SRGAP2: variants seen among roughly 807,000 people sequenced by gnomAD.
SRGAP2 encodes SLIT-ROBO Rho GTPase-activating protein 2.
A neutral mutation model predicts 57.2 loss-of-function variants in SRGAP2; 15 were observed. The observed-to-expected ratio is 0.26, with a 90% CI of 0.18 to 0.40. SRGAP2 has a LOEUF of 0.40. Among genes scored for constraint, SRGAP2 ranks in the 10% least tolerant of loss-of-function variants. The probability of loss-of-function intolerance (pLI) is 1.00; values close to 1 mark genes in which losing one functional copy is unlikely to be tolerated. For synonymous variants in SRGAP2, 249 were observed against 248.0 expected, an observed-to-expected ratio of 1.00 and a Z score of -0.04; for missense variants, 520 against 669.6, an observed-to-expected ratio of 0.78 and a Z score of 2.47.
intron 7 of SRGAP2, among the ~76,000 whole-genome samples, chr1:206,398,892 A>C (rs1393306316): frequency 6.6e-6 from 1 of 152,188 alleles, no homozygotes; most frequent in African/African-American, 2.4e-5. Flanking sequence ...CAATTCCAAC[A>C]GGTGAGAGGC....
chr1:206,285,596 T>C (rs1265641621), intron 2 of SRGAP2, among the ~76,000 whole-genome samples: 2,907 of 152,184 alleles, frequency 0.019, 36 homozygotes, highest in Middle Eastern at 0.031. Flanking sequence ...TGAACCTGGT[T>C]ATTACATGTT....
chr1:206,225,363 G>A (rs1207227331), intron 2 of SRGAP2, among the ~76,000 whole-genome samples: 1 of 150,812 alleles, frequency 6.6e-6, no homozygotes, highest in Non-Finnish European at 1.5e-5. Flanking sequence ...ATGAGCTGCC[G>A]AGATGGGTGT....
chr1:206,328,431 A>C (rs1553330932), intron 3 of SRGAP2, among the ~76,000 whole-genome samples: 3 of 40,486 alleles, frequency 7.4e-5, no homozygotes, highest in Non-Finnish European at 4.5e-5. Context: ...CCAACAGTGT[A>C]AAAGTGTTCC....
intron 2 of SRGAP2, among the ~76,000 whole-genome samples, chr1:206,212,267 C>T (rs1391927919): frequency 7.0e-6 from 1 of 143,574 alleles, no homozygotes; most frequent in Non-Finnish European, 1.5e-5. Flanking sequence ...GCAGCCTTGA[C>T]CTCCTGGGCT....
intron 14 of SRGAP2, among the ~76,000 whole-genome samples, chr1:206,431,669 G>A (rs1385443254): frequency 6.6e-6 from 1 of 152,336 alleles, no homozygotes; most frequent in Non-Finnish European, 1.5e-5. Flanking sequence ...CCACTGAAAG[G>A]TGGATAAGCA....
chr1:206,238,768 G>T (rs1418618248), intron 2 of SRGAP2, among the ~76,000 whole-genome samples: 1 of 152,128 alleles, frequency 6.6e-6, no homozygotes, highest in East Asian at 1.9e-4. Flanking sequence ...ACCTTGGTAG[G>T]TAAAGCCAAA....
intron 2 of SRGAP2, among the ~76,000 whole-genome samples, chr1:206,213,840 A>G (rs1571580341): frequency 6.6e-6 from 1 of 150,564 alleles, no homozygotes; most frequent in East Asian, 1.9e-4. Context: ...AATCGCTTGA[A>G]TCCAGGAGGC....
At chr1:206,370,887 A>G (rs1654490540) in intron 4 of SRGAP2, among the ~76,000 whole-genome samples, 1 of 152,066 alleles carries the variant, frequency 6.6e-6, no homozygotes, top group South Asian at 2.1e-4. Flanking sequence ...GTCAGAAAAC[A>G]ATGCATACTG....
intron 3 of SRGAP2, among the ~76,000 whole-genome samples, chr1:206,307,690 G>C (rs1672328600): frequency 6.6e-6 from 1 of 152,232 alleles, no homozygotes; most frequent in Non-Finnish European, 1.5e-5. Context: ...GCAGCCACTG[G>C]CCCGGGTGCT....
chr1:206,453,702 G>A, intron 20 of SRGAP2: 1 of 268,470 alleles, frequency 3.7e-6, no homozygotes, highest in Non-Finnish European at 6.9e-6. Flanking sequence ...GTTTTTATTT[G>A]ACCACCTATA....
At chr1:206,266,966 CTT>C (rs1197579154) in intron 2 of SRGAP2, among the ~76,000 whole-genome samples, 5 of 70,072 alleles carry the variant, frequency 7.1e-5, no homozygotes, top group African/African-American at 1.3e-4. Flanking sequence ...GCAAAACTTA[CTT>C]TTTTTTTTTT....
At chr1:206,341,039 C>T (rs1321441415) in intron 3 of SRGAP2, among the ~76,000 whole-genome samples, 1 of 152,172 alleles carries the variant, frequency 6.6e-6, no homozygotes, top group Non-Finnish European at 1.5e-5. Flanking sequence ...AATTTGGACT[C>T]TAATATTAAT....
chr1:206,247,086 G>A (rs1223402724), intron 2 of SRGAP2, among the ~76,000 whole-genome samples: 7 of 138,386 alleles, frequency 5.1e-5, no homozygotes, highest in African/African-American at 1.3e-4. Context: ...CCAGGGCTGC[G>A]CCAGCAGCAT....
intron 10 of SRGAP2, among the ~76,000 whole-genome samples, chr1:206,411,403 G>C (rs1553359573): frequency 6.6e-6 from 1 of 152,184 alleles, no homozygotes. Context: ...CAGGCCCTTG[G>C]TAAACGTGTG....
intron 10 of SRGAP2, chr1:206,407,150 C>G: frequency 1.7e-5 from 1 of 58,252 alleles, no homozygotes; most frequent in Non-Finnish European, 2.7e-5. Context: ...GACAGTTGGA[C>G]CCTTTTTTCT....
chr1:206,438,805 A>G (rs1284910435), intron 16 of SRGAP2, among the ~76,000 whole-genome samples: 8 of 152,202 alleles, frequency 5.3e-5, no homozygotes, highest in African/African-American at 1.9e-4. Flanking sequence ...AGGGAGTGGT[A>G]CCTTTGAATG....
At chr1:206,453,404 T>TG in intron 20 of SRGAP2, 24 bp downstream of exon 20, 1 of 600,568 alleles carries the variant, frequency 1.7e-6, no homozygotes, top group Admixed American at 2.6e-5. Flanking sequence ...ATGGCATCTT[T>TG]GGGGGTGGTC....
intron 3 of SRGAP2, among the ~76,000 whole-genome samples, chr1:206,341,279 TAG>T (rs1307271860): frequency 6.6e-6 from 1 of 152,180 alleles, no homozygotes; most frequent in Non-Finnish European, 1.5e-5. Context: ...ACTTTCTTTG[TAG>T]TAGGAGTCTG....
chr1:206,388,395 GA>G, intron 5 of SRGAP2, among the ~76,000 whole-genome samples: 1 of 151,706 alleles, frequency 6.6e-6, no homozygotes, highest in Admixed American at 6.6e-5. Flanking sequence ...GAACAAATAA[GA>G]GATGTTTCTG....
Sources: allele counts gnomAD v4.1 joint callset (sites outside exome capture counted in the v4.1 genomes callset), GRCh38; gene constraint gnomAD v4.1.1; transcripts MANE v1.5; gene names NCBI Gene and HGNC (gene_info 2026-07-23, HGNC 2026-07-21).